The following SGMS1 variants were observed in gnomAD, a reference collection of about 807,000 sequenced individuals.
SGMS1 encodes the protein sphingomyelin synthase 1, also known as phosphatidylcholine:ceramide cholinephosphotransferase 1.
A neutral mutation model predicts 46.2 loss-of-function variants in SGMS1; 13 were observed. The ratio of observed to expected loss-of-function variants is 0.28; its 90% CI spans 0.18 to 0.45. SGMS1 has a LOEUF of 0.45. SGMS1 is among the 20% of genes least tolerant of loss of function. The pLI is 1.00. For missense variants in SGMS1, 324 were observed against 519.9 expected, an observed-to-expected ratio of 0.62 and a Z score of 3.66; for synonymous variants, 203 against 187.8, an observed-to-expected ratio of 1.08 and a Z score of -0.66.
intron 3 of SGMS1, among the ~76,000 whole-genome samples, chr10:50,472,068 TATTTTCTTTTTTA>T (rs895616658): frequency 3.3e-5 from 5 of 152,182 alleles, no homozygotes; most frequent in Non-Finnish European, 7.4e-5. Context: ...ATTTATTCAT[TATTTTCTTTTTTA>T]ATTTTCTTTT....
In SGMS1 at chr10:50,464,725, C is replaced by T. The variant is rs139463513; in HGVS notation, c.-455+2165G>A. 6.0e-3 allele frequency among the ~76,000 whole-genome samples: 919 copies of T among 152,318 alleles called. 10 individuals are homozygous for T. The highest frequency in any genetic ancestry group is 0.021 in the African/African-American group (870 of 41,570). On this transcript the variant is annotated intron_variant, in intron 4 of 10. Transcript: ENST00000361781. Reference sequence around the variant, plus strand: ...CTGTGTTTACAGGCATGAGCCACTGCGCCTGGCCCGTTGATTTTAGCCCAG... The same window carrying T: ...CTGTGTTTACAGGCATGAGCCACTGTGCCTGGCCCGTTGATTTTAGCCCAG...
intron 6 of SGMS1, among the ~76,000 whole-genome samples, chr10:50,402,426 G>T (rs1341599143): frequency 1.3e-5 from 2 of 152,048 alleles, no homozygotes; most frequent in Non-Finnish European, 2.9e-5. Context: ...AGGTCAAATG[G>T]CAAGAAAAAG....
At chr10:50,456,917 G>T (rs1837198015) in intron 5 of SGMS1, among the ~76,000 whole-genome samples, 1 of 152,184 alleles carries the variant, frequency 6.6e-6, no homozygotes, top group Non-Finnish European at 1.5e-5. Context: ...CACAGCGCTT[G>T]TACTGGGAAA....
intron 6 of SGMS1, among the ~76,000 whole-genome samples, chr10:50,344,596 G>T (rs4540795): frequency 6.6e-6 from 1 of 152,200 alleles, no homozygotes; most frequent in South Asian, 2.1e-4. Context: ...TCAGCCGGGC[G>T]TGGTGGCTCA....
intron 6 of SGMS1, among the ~76,000 whole-genome samples, chr10:50,364,227 CAAAG>C (rs1848298679): frequency 6.6e-6 from 1 of 151,646 alleles, no homozygotes; most frequent in East Asian, 1.9e-4. Flanking sequence ...AAAAAACAAA[CAAAG>C]ATTTAGAAAT....
chr10:50,514,549 T>A (rs1019213901), intron 3 of SGMS1, among the ~76,000 whole-genome samples: 6 of 152,276 alleles, frequency 3.9e-5, no homozygotes, highest in Non-Finnish European at 7.4e-5. Flanking sequence ...ACATCTATAG[T>A]CTTTTGCCAT....
At chr10:50,594,047 A>T (rs1033271624) in intron 1 of SGMS1, among the ~76,000 whole-genome samples, 1 of 152,178 alleles carries the variant, frequency 6.6e-6, no homozygotes, top group African/African-American at 2.4e-5. Flanking sequence ...GTGGTTGTGT[A>T]CAATTGACTC....
Position 50,306,900 on chromosome 10 carries a change from C to T in SGMS1, c.*242G>A. ...ATGGTGGTTGCGGGTTATGTAAATC[C>T]CAAACTTATGAACAGGAAATGTGTA... is the stretch of plus-strand genomic sequence containing the variant. On this transcript the variant is annotated 3_prime_UTR_variant, in exon 11 of 11. Coordinates refer to ENST00000361781, the MANE Select transcript of SGMS1 (RefSeq NM_147156.4). The T allele has an allele frequency of 5.6e-6, 2 of 359,080 alleles. No homozygotes were observed. 22.2% of individuals were successfully genotyped at this position (359,080 alleles called of 1,614,324 possible).
intron 6 of SGMS1, among the ~76,000 whole-genome samples, chr10:50,367,528 G>A (rs569395252): frequency 1.3e-5 from 2 of 152,190 alleles, no homozygotes; most frequent in South Asian, 4.1e-4. Flanking sequence ...GGTTCTCCCT[G>A]TCTCCTTCTG....
At chr10:50,340,784 T>C (rs1847804995) in intron 7 of SGMS1, 1 of 152,428 alleles carries the variant, frequency 6.6e-6, no homozygotes, top group Non-Finnish European at 1.5e-5. Context: ...AAGGGTTTAT[T>C]GCTGGGAGTT....
intron 8 of SGMS1, among the ~76,000 whole-genome samples, chr10:50,323,869 C>T (rs913283509): frequency 7.9e-5 from 12 of 152,180 alleles, no homozygotes; most frequent in African/African-American, 2.9e-4. Context: ...GCTTGAGGCC[C>T]TTATCACAGC....
intron 9 of SGMS1, among the ~76,000 whole-genome samples, chr10:50,310,414 T>C (rs1306923975): frequency 6.6e-6 from 1 of 152,210 alleles, no homozygotes; most frequent in Non-Finnish European, 1.5e-5. Flanking sequence ...TCTAGCACTG[T>C]AATATTAATA....
rs754756563 is a variant in SGMS1 at position 50,596,239 on chromosome 10, C to T, written c.-683-5992G>A. Among the ~76,000 whole-genome samples, 24 of 149,860 alleles carry T rather than the reference C, an allele frequency of 1.6e-4. 1 individual carries two copies. The highest frequency in any genetic ancestry group is 7.3e-4 in the Admixed American group (11 of 15,042). Reference sequence around the variant, plus strand: ...TTGCCCAGGCTGAAGTGCAATGGCACGATCTCAGCTCACCGCAACCTGCGC... The same window carrying T: ...TTGCCCAGGCTGAAGTGCAATGGCATGATCTCAGCTCACCGCAACCTGCGC... On this transcript the variant is annotated intron_variant, in intron 1 of 10. Coordinates refer to ENST00000361781, the MANE Select transcript of SGMS1 (RefSeq NM_147156.4).
At chr10:50,448,921 AAAG>A (rs1279696267) in intron 5 of SGMS1, among the ~76,000 whole-genome samples, 1 of 152,154 alleles carries the variant, frequency 6.6e-6, no homozygotes, top group African/African-American at 2.4e-5. Flanking sequence ...AGAAATCACC[AAAG>A]AAGACTTATG....
intron 6 of SGMS1, among the ~76,000 whole-genome samples, chr10:50,386,383 C>G (rs1253455918): frequency 2.6e-5 from 4 of 152,260 alleles, no homozygotes; most frequent in African/African-American, 7.2e-5. Flanking sequence ...ATTATAGCAT[C>G]CTTATGGGTT....
upstream of SGMS1, chr10:50,624,740 G>T: frequency 2.0e-6 from 2 of 985,456 alleles, no homozygotes; most frequent in Non-Finnish European, 2.4e-6. Context: ...CCCGAGCGAA[G>T]CCCCAGCGCC....
chr10:50,320,917 G>C (rs1847431149), intron 8 of SGMS1, among the ~76,000 whole-genome samples: 2 of 152,202 alleles, frequency 1.3e-5, no homozygotes, highest in South Asian at 4.1e-4. Context: ...GAGTCAGAGG[G>C]GGATCTGGGG....
In SGMS1 at chr10:50,623,731, CG is replaced by C. The variant is rs1024297215; in HGVS notation, c.-709del. 6.9e-5 allele frequency: 68 copies of C among 985,298 alleles called. No homozygotes were observed. Among genetic ancestry groups the C allele is most frequent in the Non-Finnish European group, 8.1e-5 (67 of 829,946 alleles). 61.0% of individuals were successfully genotyped at this position (985,298 alleles called of 1,614,324 possible). A position where few individuals can be genotyped will look rare whatever the true frequency, so the allele number is the denominator to read the frequency against. ...CTTGCACTGGAGTCACGGCAGCCGC[CG>C]GAATTCCGCTCGCGGAGCCCCCGCC... On this transcript the variant is annotated 5_prime_UTR_variant, in exon 1 of 11. Transcript: ENST00000361781.
At chr10:50,594,374 C>A (rs1684595489) in intron 1 of SGMS1, among the ~76,000 whole-genome samples, 1 of 152,198 alleles carries the variant, frequency 6.6e-6, no homozygotes, top group Non-Finnish European at 1.5e-5. Context: ...ATGGGCCCAC[C>A]TGACTGGTAT....
Sources: allele counts gnomAD v4.1 joint callset (sites outside exome capture counted in the v4.1 genomes callset), GRCh38; gene constraint gnomAD v4.1.1; transcripts MANE v1.5; gene names NCBI Gene and HGNC (gene_info 2026-07-23, HGNC 2026-07-21).